The following ADAM12 variants were observed in gnomAD, a reference collection of about 807,000 sequenced individuals.
ADAM12 encodes the protein ADAM metallopeptidase domain 12.
Under a neutral mutation model 106.4 loss-of-function variants are expected in ADAM12, and 70 were observed. The observed-to-expected ratio is 0.66, with a 90% CI of 0.54 to 0.80. The LOEUF is 0.80. ADAM12 is among the 30% of genes least tolerant of loss of function. The probability of loss-of-function intolerance (pLI) is 0.00; values close to 1 mark genes in which losing one functional copy is unlikely to be tolerated. For synonymous variants in ADAM12, 420 were observed against 433.5 expected (o/e 0.97, Z 0.39); for missense variants, 1,010 against 1,171.9 (o/e 0.86, Z 2.02).
chr10:126,323,507 G>A (rs1854185671), intron 2 of ADAM12, among the ~76,000 whole-genome samples: 1 of 152,176 alleles, frequency 6.6e-6, no homozygotes, highest in African/African-American at 2.4e-5. Context: ...CTAAAAAGTT[G>A]TGGTAGTCAG....
chr10:126,258,302 C>T (rs1193452902), intron 3 of ADAM12, among the ~76,000 whole-genome samples: 1 of 152,214 alleles, frequency 6.6e-6, no homozygotes, highest in African/African-American at 2.4e-5. Flanking sequence ...CTATCACTTT[C>T]ACCTGCATCT....
intron 4 of ADAM12, among the ~76,000 whole-genome samples, chr10:126,138,322 C>T (rs1956443989): frequency 6.6e-6 from 1 of 152,104 alleles, no homozygotes; most frequent in Admixed American, 6.6e-5. Flanking sequence ...ATATGATTTA[C>T]AGATTTTTTT....
intron 2 of ADAM12, among the ~76,000 whole-genome samples, chr10:126,320,140 T>C (rs979294607): frequency 1.1e-4 from 17 of 152,340 alleles, no homozygotes; most frequent in African/African-American, 3.8e-4. Context: ...CAAGTTCTCT[T>C]GTTAGAAAGA....
intron 3 of ADAM12, among the ~76,000 whole-genome samples, chr10:126,220,649 C>T (rs575476336): frequency 6.6e-6 from 1 of 152,196 alleles, no homozygotes; most frequent in Admixed American, 6.5e-5. Flanking sequence ...TGCTAGACAT[C>T]GCAATCCTTA....
At chr10:126,114,220 A>G (rs531035354) in intron 6 of ADAM12, among the ~76,000 whole-genome samples, 3 of 152,304 alleles carry the variant, frequency 2.0e-5, no homozygotes, top group South Asian at 4.1e-4. Context: ...AGAAGTAAAC[A>G]AATGAGACAT....
intron 11 of ADAM12, among the ~76,000 whole-genome samples, chr10:126,078,792 A>G (rs1955153299): frequency 1.3e-5 from 2 of 152,070 alleles, no homozygotes; most frequent in South Asian, 4.2e-4. Flanking sequence ...GGGATTTGAC[A>G]GTTCACAGTT....
In ADAM12 at chr10:126,051,568, T is replaced by TCCAGCCAGCCAGCCAG. The variant is rs1263650818; in HGVS notation, c.1610-1900_1610-1899insCTGGCTGGCTGGCTGG. ...ATCCATCCATCCATCCATCCATCCA[T>TCCAGCCAGCCAGCCAG]CCATCCATCCATCCATCCATCCAGC... On this transcript the variant is annotated intron_variant, in intron 14 of 22. Coordinates refer to ENST00000448723, the MANE Select transcript of ADAM12 (RefSeq NM_001288973.2). 8.4e-5 allele frequency among the ~76,000 whole-genome samples: 8 copies of TCCAGCCAGCCAGCCAG among 94,852 alleles called. 1 individual carries two copies. The highest frequency in any genetic ancestry group is 1.8e-3 in the East Asian group (2 of 1,122). The allele number at this position is 94,852 out of a possible 152,430, so 62.2% of individuals were successfully genotyped here. A position where few individuals can be genotyped will look rare whatever the true frequency, so the allele number is the denominator to read the frequency against.
At chr10:126,068,405 C>G (rs1201356278) in intron 12 of ADAM12, among the ~76,000 whole-genome samples, 2 of 152,156 alleles carry the variant, frequency 1.3e-5, no homozygotes, top group Admixed American at 1.3e-4. Context: ...CTCAAATCAC[C>G]CAGTAATATA....
chr10:126,104,448 T>TA lies in ADAM12; in HGVS notation c.742-3208dup, dbSNP rs541719234. Reference sequence around the variant, plus strand: ...CTTGGGGATAGAGCAAGACTCTGTCTAAAAAAAAAAAAAAAAAGAAAGAAA... The same window carrying TA: ...CTTGGGGATAGAGCAAGACTCTGTCTAAAAAAAAAAAAAAAAAAGAAAGAAA... On this transcript the variant is annotated intron_variant, in intron 8 of 22. Transcript: ENST00000448723. Among the ~76,000 whole-genome samples the TA allele has an allele frequency of 5.6e-3, 561 of 100,676 alleles. 3 individuals are homozygous for TA. Among genetic ancestry groups the TA allele is most frequent in the African/African-American group, 0.014 (371 of 27,142 alleles). 66.0% of individuals were successfully genotyped at this position (100,676 alleles called of 152,430 possible).
intron 14 of ADAM12, among the ~76,000 whole-genome samples, chr10:126,062,191 G>A (rs1364549868): frequency 1.3e-5 from 2 of 152,168 alleles, no homozygotes; most frequent in East Asian, 1.9e-4. Context: ...CAGGAACCCT[G>A]AGCCAAAGAT....
Position 126,118,047 on chromosome 10 carries a change from C to T in ADAM12, c.594G>A (p.Trp198Ter). The change falls in exon 6 of 23, where the codon TGG (tryptophan) becomes TGA (stop). Residue 198 changes from tryptophan to a stop codon, truncating the protein, a stop_gained. Coordinates refer to ENST00000448723, the MANE Select transcript of ADAM12 (RefSeq NM_001288973.2). LOFTEE classifies it high-confidence loss of function. ...CAGGTATCCCCCTTACCCTTCTTGCCCATGTCTGAGAGGGTGGTGGAAACA... is the reference window on the plus strand; with the variant it reads ...CAGGTATCCCCCTTACCCTTCTTGCTCATGTCTGAGAGGGTGGTGGAAACA... ...KNVFPPPSQT[W>*]ARRHKRETLK... 1.2e-6 allele frequency: 2 copies of T among 1,614,012 alleles called. No individual in the cohort carries two copies. Among genetic ancestry groups the T allele is most frequent in the Non-Finnish European group, 1.7e-6 (2 of 1,179,938 alleles).
intron 1 of ADAM12, among the ~76,000 whole-genome samples, chr10:126,369,784 A>G (rs1355788530): frequency 6.6e-6 from 1 of 152,092 alleles, no homozygotes; most frequent in African/African-American, 2.4e-5. Flanking sequence ...GACTGTTGAG[A>G]TGGTTCCCAG....
intron 4 of ADAM12, among the ~76,000 whole-genome samples, chr10:126,140,691 T>G (rs1362315297): frequency 6.6e-6 from 1 of 152,222 alleles, no homozygotes; most frequent in Non-Finnish European, 1.5e-5. Context: ...TCCAAGGCAA[T>G]GACAATTTCG....
intron 9 of ADAM12, among the ~76,000 whole-genome samples, chr10:126,100,704 ACT>A (rs1955647491): frequency 6.6e-6 from 1 of 152,086 alleles, no homozygotes; most frequent in African/African-American, 2.4e-5. Context: ...ACAGAGAGAG[ACT>A]CTGTCTCAAA....
intron 4 of ADAM12, among the ~76,000 whole-genome samples, chr10:126,143,034 ATATG>A (rs778864964): frequency 7.4e-6 from 1 of 135,000 alleles, no homozygotes; most frequent in African/African-American, 2.6e-5. Flanking sequence ...ATTTGTATAT[ATATG>A]TATGTGTGTA....
At chr10:126,078,989 C>T (rs1955157496) in intron 11 of ADAM12, among the ~76,000 whole-genome samples, 1 of 152,120 alleles carries the variant, frequency 6.6e-6, no homozygotes, top group Non-Finnish European at 1.5e-5. Context: ...GCTGTGATCC[C>T]ACATATGCCT....
chr10:126,071,672 A>G lies in ADAM12; in HGVS notation c.1146-18T>C. The stretch of plus-strand genomic sequence containing the variant: ...ATGGGTACCTGAGAAAGGAGAGCCC[A>G]GAACAGTAAGTCACAGGGCATGGAA... On this transcript the variant is annotated intron_variant, in intron 11 of 22. Coordinates refer to ENST00000448723, the MANE Select transcript of ADAM12 (RefSeq NM_001288973.2). 6.2e-7 allele frequency: 1 copy of G among 1,613,044 alleles called. No homozygotes were observed. Among genetic ancestry groups the G allele is most frequent in the Non-Finnish European group, 8.5e-7 (1 of 1,179,100 alleles).
chr10:126,386,227 G>A (rs1856655613), intron 1 of ADAM12, among the ~76,000 whole-genome samples: 1 of 152,122 alleles, frequency 6.6e-6, no homozygotes, highest in Non-Finnish European at 1.5e-5. Flanking sequence ...TTCTGTTTTG[G>A]ACTTGTTAGG....
At chr10:126,373,089 C>T (rs2133922876) in intron 1 of ADAM12, among the ~76,000 whole-genome samples, 1 of 152,308 alleles carries the variant, frequency 6.6e-6, no homozygotes, top group Non-Finnish European at 1.5e-5. Context: ...TATATGGAAT[C>T]ATAGCATTCA....
Sources: gnomAD v4.1 joint callset for allele counts (sites outside exome capture counted in the v4.1 genomes callset) on GRCh38, gnomAD v4.1.1 for gene constraint, MANE v1.5 for transcripts, NCBI Gene and HGNC (gene_info 2026-07-23, HGNC 2026-07-21) for gene names.